Variants in SMARCA2 observed in about 807,000 individuals in gnomAD.
The protein encoded by SMARCA2 is SWI/SNF-related matrix-associated actin-dependent regulator of chromatin subfamily A member 2.
SMARCA2 carries 61 observed loss-of-function variants against 199.8 expected under a neutral mutation model. The observed-to-expected ratio is 0.31, with a 90% CI of 0.25 to 0.38. SMARCA2 has a LOEUF of 0.38. SMARCA2 is among the 10% of genes least tolerant of loss of function. SMARCA2 has a pLI of 1.00. For synonymous variants in SMARCA2, 935 were observed against 732.0 expected (o/e 1.28, Z -4.48); for missense variants, 1,344 against 2,012.2 (o/e 0.67, Z 6.35).
chr9:2,020,981 G>T (rs908977638), intron 1 of SMARCA2, among the ~76,000 whole-genome samples: 7 of 152,112 alleles, frequency 4.6e-5, no homozygotes, highest in African/African-American at 1.7e-4. Flanking sequence ...TATGAATTAG[G>T]ATATTTTATT....
chr9:2,112,875 C>G (rs1054988200), intron 24 of SMARCA2, among the ~76,000 whole-genome samples: 1 of 152,152 alleles, frequency 6.6e-6, no homozygotes, highest in African/African-American at 2.4e-5. Context: ...ACTTTGCATA[C>G]CTCACCTCAA....
At chr9:2,022,760 A>G (rs934823174) in intron 1 of SMARCA2, among the ~76,000 whole-genome samples, 1 of 152,218 alleles carries the variant, frequency 6.6e-6, no homozygotes, top group African/African-American at 2.4e-5. Context: ...TTGCTTTGCA[A>G]AAGGGCCTAA....
chr9:2,065,449 C>G (rs1045510798), intron 9 of SMARCA2, among the ~76,000 whole-genome samples: 1 of 152,172 alleles, frequency 6.6e-6, no homozygotes, highest in Non-Finnish European at 1.5e-5. Flanking sequence ...TCCTGTCTCT[C>G]TCTCTCTCTC....
intron 22 of SMARCA2, 61 bp downstream of exon 22, chr9:2,101,677 C>A: frequency 2.4e-6 from 2 of 835,730 alleles, no homozygotes; most frequent in South Asian, 3.1e-5. Context: ...ATAAACTCCT[C>A]CTCTCTACAG....
intron 14 of SMARCA2, among the ~76,000 whole-genome samples, chr9:2,080,782 T>A (rs904164425): frequency 5.3e-5 from 8 of 152,216 alleles, no homozygotes; most frequent in Admixed American, 2.6e-4. Context: ...AAAATTCTTG[T>A]CAATACAGTT....
At chr9:2,109,098 A>T (rs976759560) in intron 23 of SMARCA2, among the ~76,000 whole-genome samples, 1 of 152,226 alleles carries the variant, frequency 6.6e-6, no homozygotes, top group Admixed American at 6.5e-5. Context: ...CTTGGCCCTC[A>T]TAGTAACTTG....
At chr9:2,131,711 T>A (rs1376654000) in intron 27 of SMARCA2, among the ~76,000 whole-genome samples, 2 of 152,154 alleles carry the variant, frequency 1.3e-5, no homozygotes, top group Non-Finnish European at 2.9e-5. Flanking sequence ...CCGGGTGCGG[T>A]GGCTCACGCC....
intron 21 of SMARCA2, among the ~76,000 whole-genome samples, chr9:2,098,756 T>C (rs1336610772): frequency 6.6e-6 from 1 of 152,078 alleles, no homozygotes; most frequent in Non-Finnish European, 1.5e-5. Flanking sequence ...GCCAACATGG[T>C]GAAACCCCGT....
At chr9:2,155,199 A>G (rs77401258) in intron 27 of SMARCA2, among the ~76,000 whole-genome samples, 4,127 of 152,336 alleles carry the variant, frequency 0.027, 183 homozygotes, top group African/African-American at 0.093. Flanking sequence ...AATAGAGTAT[A>G]TTGTGTTTAA....
At chr9:2,097,183 A>G (rs1822308041) in intron 20 of SMARCA2, 1 of 520,272 alleles carries the variant, frequency 1.9e-6, no homozygotes, top group Non-Finnish European at 3.4e-6. Flanking sequence ...CTTTTTTTGT[A>G]GCGTAAGTTA....
At chr9:2,160,678 A>C (rs1825620675) in intron 27 of SMARCA2, 4 of 693,004 alleles carry the variant, frequency 5.8e-6, no homozygotes, top group Non-Finnish European at 1.1e-5. Context: ...TATCATTTGC[A>C]TACTGGAGGC....
At chr9:2,178,526 T>C (rs886809281) in intron 29 of SMARCA2, among the ~76,000 whole-genome samples, 1 of 152,154 alleles carries the variant, frequency 6.6e-6, no homozygotes, top group African/African-American at 2.4e-5. Context: ...GTAAACAACA[T>C]TGTACAATTA....
chr9:2,165,356 C>A (rs117735079), intron 28 of SMARCA2, among the ~76,000 whole-genome samples: 1 of 152,240 alleles, frequency 6.6e-6, no homozygotes, highest in Non-Finnish European at 1.5e-5. Flanking sequence ...GAACTAAGAT[C>A]ATTTATGTGT....
chr9:2,019,148 A>C (rs928859722), intron 1 of SMARCA2, among the ~76,000 whole-genome samples: 4 of 152,074 alleles, frequency 2.6e-5, no homozygotes, highest in South Asian at 4.1e-4. Flanking sequence ...GGAAAAAAAA[A>C]AACAACCCAG....
Position 2,088,935 on chromosome 9 carries a change from A to G in SMARCA2, c.2883+322A>G, listed in dbSNP as rs1821928498. Among the ~76,000 whole-genome samples the G allele has an allele frequency of 2.1e-5, 3 of 140,634 alleles. No individual in the cohort carries two copies. In the Admixed American group the frequency reaches 2.2e-4, roughly 10 times the overall value. 92.3% of individuals were successfully genotyped at this position (140,634 alleles called of 152,430 possible). A position where few individuals can be genotyped will look rare whatever the true frequency, so the allele number is the denominator to read the frequency against. On this transcript the variant is annotated intron_variant, in intron 19 of 33. Coordinates refer to ENST00000349721, the MANE Select transcript of SMARCA2 (RefSeq NM_003070.5). ...TTGAGTTCACTGTTGCAGGCACTGT[A>G]GAATTGTTCTGCTTATAAGTGAATG...
intron 13 of SMARCA2, 128 bp from the exon 14 acceptor site, chr9:2,077,501 A>G (rs1821378955): frequency 1.2e-6 from 1 of 834,186 alleles, no homozygotes; most frequent in African/African-American, 1.7e-5. Context: ...CTGCATGGCA[A>G]GTCGTGGTTG....
intron 27 of SMARCA2, among the ~76,000 whole-genome samples, chr9:2,148,814 T>G (rs1586756117): frequency 6.6e-6 from 1 of 151,588 alleles, no homozygotes; most frequent in East Asian, 1.9e-4. Flanking sequence ...CAGCTTGTTT[T>G]CTATAGATCT....
At chr9:2,065,708 T>A (rs1283690547) in intron 9 of SMARCA2, among the ~76,000 whole-genome samples, 2 of 152,316 alleles carry the variant, frequency 1.3e-5, no homozygotes, top group South Asian at 2.1e-4. Context: ...TCATTTTTTT[T>A]AATCTCTTAC....
intron 6 of SMARCA2, among the ~76,000 whole-genome samples, chr9:2,055,188 C>A (rs1414631262): frequency 2.0e-5 from 3 of 152,204 alleles, no homozygotes; most frequent in Non-Finnish European, 4.4e-5. Flanking sequence ...TATAGAAATA[C>A]ATAAAGCAAT....
Sources: allele counts gnomAD v4.1 joint callset (sites outside exome capture counted in the v4.1 genomes callset), GRCh38; gene constraint gnomAD v4.1.1; transcripts MANE v1.5; gene names NCBI Gene and HGNC (gene_info 2026-07-23, HGNC 2026-07-21).